Variants in MEMO1 observed in about 807,000 individuals in gnomAD.
MEMO1 encodes mediator of cell motility 1.
Under a neutral mutation model 45.2 loss-of-function variants are expected in MEMO1, and 6 were observed. The ratio of observed to expected loss-of-function variants is 0.13; its 90% confidence interval spans 0.07 to 0.26. The LOEUF is 0.26. Among genes scored for constraint, MEMO1 ranks in the 10% least tolerant of loss-of-function variants. MEMO1 has a pLI of 1.00. For synonymous variants in MEMO1, 78 were observed against 124.3 expected (o/e 0.63, Z 2.48); for missense variants, 184 against 370.5 (o/e 0.50, Z 4.13).
At chr2:31,885,710 T>C (rs1676093745) in intron 7 of MEMO1, among the ~76,000 whole-genome samples, 1 of 152,200 alleles carries the variant, frequency 6.6e-6, no homozygotes, top group African/African-American at 2.4e-5. Context: ...TAATACATTC[T>C]CTTTTCCCTG....
chr2:31,959,346 G>C (rs772826982), intron 2 of MEMO1, among the ~76,000 whole-genome samples: 10 of 152,126 alleles, frequency 6.6e-5, no homozygotes, highest in Non-Finnish European at 1.3e-4. Context: ...AGGTACTTGG[G>C]CAGAGAAGTA....
At chr2:31,955,971 G>T (rs969509742) in intron 2 of MEMO1, among the ~76,000 whole-genome samples, 2 of 151,896 alleles carry the variant, frequency 1.3e-5, no homozygotes, top group Non-Finnish European at 2.9e-5. Context: ...TTAAATGAAG[G>T]CTTCAAAAAC....
intron 4 of MEMO1, among the ~76,000 whole-genome samples, chr2:31,925,168 C>A (rs902920346): frequency 3.3e-5 from 5 of 152,112 alleles, no homozygotes; most frequent in Non-Finnish European, 7.4e-5. Context: ...CATTGCTTGG[C>A]TACCCTGGCT....
chr2:31,868,503 G>T lies in MEMO1; in HGVS notation c.763-11C>A. On this transcript the variant is annotated splice_polypyrimidine_tract_variant and intron_variant, in intron 9 of 9. Coordinates refer to ENST00000404530, the MANE Select transcript of MEMO1 (RefSeq NM_001301833.4). ...GAGCTCTGTGATAGCCTAGAAAAAA[G>T]AAAAATTTGGTTAGGACACACATCA... 6.3e-7 allele frequency: 1 copy of T among 1,589,104 alleles called. No homozygotes were observed. The highest frequency in any genetic ancestry group is 8.6e-7 in the Non-Finnish European group (1 of 1,169,146).
At chr2:31,937,354 C>A (rs1176221538) in intron 3 of MEMO1, among the ~76,000 whole-genome samples, 1 of 152,094 alleles carries the variant, frequency 6.6e-6, no homozygotes, top group African/African-American at 2.4e-5. Context: ...CAGAATGTTG[C>A]ATATCTAGAT....
chr2:32,009,060 T>C (rs1674460635), intron 2 of MEMO1, among the ~76,000 whole-genome samples: 1 of 152,132 alleles, frequency 6.6e-6, no homozygotes, highest in Admixed American at 6.5e-5. Flanking sequence ...ACTGTCTTTG[T>C]TAACATACCA....
chr2:31,996,454 G>C (rs13339806), intron 2 of MEMO1, among the ~76,000 whole-genome samples: 69 of 152,162 alleles, frequency 4.5e-4, no homozygotes, highest in Admixed American at 1.9e-3. Flanking sequence ...TAAGGCAGGA[G>C]AATCACTTGA....
intron 8 of MEMO1, among the ~76,000 whole-genome samples, chr2:31,882,997 C>T (rs754095980): frequency 2.7e-5 from 4 of 149,952 alleles, no homozygotes; most frequent in African/African-American, 4.9e-5. Context: ...AAGAAGGACT[C>T]AAAAAAAAAT....
chr2:31,932,029 C>CA, intron 4 of MEMO1, 38 bp downstream of exon 4: 1 of 1,560,570 alleles, frequency 6.4e-7, no homozygotes, highest in South Asian at 1.1e-5. Context: ...AATAAATTCT[C>CA]AAGCTTCTCC....
At chr2:31,898,705 A>C (rs1678267566) in intron 6 of MEMO1, among the ~76,000 whole-genome samples, 1 of 152,200 alleles carries the variant, frequency 6.6e-6, no homozygotes, top group Non-Finnish European at 1.5e-5. Context: ...TGGGGTAGAG[A>C]GTTCCCCAGA....
intron 6 of MEMO1, among the ~76,000 whole-genome samples, chr2:31,895,301 GAGC>G (rs1677591628): frequency 6.6e-6 from 1 of 152,170 alleles, no homozygotes; most frequent in South Asian, 2.1e-4. Context: ...ATCTGAGTAA[GAGC>G]AGATATTGGA....
intron 2 of MEMO1, among the ~76,000 whole-genome samples, chr2:31,988,942 C>G (rs1056053714): frequency 6.6e-6 from 1 of 151,926 alleles, no homozygotes; most frequent in African/African-American, 2.4e-5. Context: ...CATGGTGGCT[C>G]ACGCCTGTAA....
chr2:31,895,256 T>C (rs1265264361), intron 6 of MEMO1, among the ~76,000 whole-genome samples: 1 of 152,202 alleles, frequency 6.6e-6, no homozygotes, highest in Non-Finnish European at 1.5e-5. Context: ...ATGACCCATA[T>C]TCGGCGGGAA....
chr2:31,891,496 A>C (rs1354318912), intron 7 of MEMO1, among the ~76,000 whole-genome samples: 1 of 152,146 alleles, frequency 6.6e-6, no homozygotes, highest in Non-Finnish European at 1.5e-5. Flanking sequence ...AATATTTTAT[A>C]ATCTTTGGAG....
At chr2:31,996,690 T>A (rs1438019828) in intron 2 of MEMO1, among the ~76,000 whole-genome samples, 4 of 152,176 alleles carry the variant, frequency 2.6e-5, no homozygotes, top group Non-Finnish European at 5.9e-5. Flanking sequence ...CAACTTAATC[T>A]AATTAACATT....
intron 6 of MEMO1, among the ~76,000 whole-genome samples, chr2:31,916,391 G>A (rs966992192): frequency 7.2e-5 from 11 of 151,958 alleles, no homozygotes; most frequent in Admixed American, 2.0e-4. Context: ...ACCACACACC[G>A]CTAATTTTTC....
chr2:31,936,015 G>T (rs906309039), intron 3 of MEMO1, among the ~76,000 whole-genome samples: 2 of 151,926 alleles, frequency 1.3e-5, no homozygotes, highest in African/African-American at 4.8e-5. Flanking sequence ...CCAGGCTGGA[G>T]TGCAGTGGCC....
intron 6 of MEMO1, 91 bp downstream of exon 6, chr2:31,917,835 C>G (rs1199810354): frequency 1.3e-6 from 1 of 779,568 alleles, no homozygotes; most frequent in Non-Finnish European, 1.9e-6. Flanking sequence ...AATCTCCTTA[C>G]CCTGATAATT....
intron 4 of MEMO1, among the ~76,000 whole-genome samples, chr2:31,930,031 G>A (rs1558511431): frequency 6.6e-6 from 1 of 152,234 alleles, no homozygotes; most frequent in Non-Finnish European, 1.5e-5. Flanking sequence ...AGGCCGAGGT[G>A]GGCGGATCAC....
Sources: allele counts gnomAD v4.1 joint callset (sites outside exome capture counted in the v4.1 genomes callset), GRCh38; gene constraint gnomAD v4.1.1; transcripts MANE v1.5; gene names NCBI Gene and HGNC (gene_info 2026-07-23, HGNC 2026-07-21).